Variants in CPA5 observed in about 807,000 individuals in gnomAD.
CPA5 encodes testicular tissue protein Li 32.
Under a neutral mutation model 52.2 loss-of-function variants are expected in CPA5, and 38 were observed. That is an observed-to-expected ratio of 0.73 (90% confidence interval 0.56 to 0.95). The LOEUF (loss-of-function observed/expected upper bound fraction) is 0.95. CPA5 is among the 40% of genes least tolerant of loss of function. The pLI, the probability that CPA5 is intolerant of heterozygous loss-of-function variation, is 0.00. For missense variants in CPA5, 519 were observed against 566.7 expected, an observed-to-expected ratio of 0.92 and a Z score of 0.86; for synonymous variants, 198 against 213.7, an observed-to-expected ratio of 0.93 and a Z score of 0.64.
At chr7:130,365,408 C>A (rs1435962859) in intron 10 of CPA5, among the ~76,000 whole-genome samples, 7 of 152,188 alleles carry the variant, frequency 4.6e-5, no homozygotes, top group African/African-American at 1.7e-4. Flanking sequence ...TATCCATATA[C>A]ACACAGTGTA....
At chr7:130,361,396 T>C in intron 7 of CPA5, 152 bp downstream of exon 7, 3 of 620,190 alleles carry the variant, frequency 4.8e-6, no homozygotes. Flanking sequence ...TTTGGGGTTG[T>C]GGCATTCAGA....
downstream of CPA5, among the ~76,000 whole-genome samples, chr7:130,372,724 C>A (rs1472138962): frequency 1.3e-5 from 2 of 152,042 alleles, no homozygotes; most frequent in African/African-American, 4.8e-5. Context: ...TATAGCTGGG[C>A]GTATTGCTGC....
the CPA5 span, among the ~76,000 whole-genome samples, chr7:130,373,834 A>G: frequency 6.6e-6 from 1 of 152,238 alleles, no homozygotes; most frequent in Non-Finnish European, 1.5e-5. Flanking sequence ...CAGGCAGGGG[A>G]AGGCCTGCGG....
At chr7:130,350,197 G>A in intron 5 of CPA5, 88 bp downstream of exon 5, 2 of 1,399,474 alleles carry the variant, frequency 1.4e-6, no homozygotes, top group Non-Finnish European at 1.9e-6. Flanking sequence ...GGGGCTAAAA[G>A]TGGACATGTG....
At chr7:130,361,085 C>T (rs1205484444) in intron 6 of CPA5, 58 bp from the exon 7 acceptor site, 3 of 1,054,816 alleles carry the variant, frequency 2.8e-6, no homozygotes, top group African/African-American at 3.1e-5. Context: ...CAGAGAGGCC[C>T]CAGTGTTCAT....
chr7:130,350,293 G>A (rs1259944960), intron 5 of CPA5, among the ~76,000 whole-genome samples, 184 bp downstream of exon 5: 1 of 152,204 alleles, frequency 6.6e-6, no homozygotes, highest in Non-Finnish European at 1.5e-5. Flanking sequence ...GCTAGGACAG[G>A]ATTCATGGGG....
chr7:130,350,802 A>G (rs1795089488), intron 5 of CPA5, among the ~76,000 whole-genome samples: 1 of 152,116 alleles, frequency 6.6e-6, no homozygotes, highest in African/African-American at 2.4e-5. Flanking sequence ...CAATTGTTCT[A>G]TTTTCCAGTA....
downstream of CPA5, among the ~76,000 whole-genome samples, chr7:130,369,499 C>T (rs184289529): frequency 1.3e-5 from 2 of 152,334 alleles, no homozygotes; most frequent in Admixed American, 1.3e-4. Flanking sequence ...GCTGTTTGCT[C>T]TGCCCTCAGG....
chr7:130,367,864 C>T (rs1554408974), intron 11 of CPA5, 42 bp from the exon 12 acceptor site: 9 of 1,563,524 alleles, frequency 5.8e-6, no homozygotes, highest in South Asian at 1.1e-5. Flanking sequence ...GTGGGAGCCC[C>T]GGGGAGCCCC....
At chr7:130,347,451 C>T (rs1554402611) in intron 3 of CPA5, among the ~76,000 whole-genome samples, 1 of 152,150 alleles carries the variant, frequency 6.6e-6, no homozygotes, top group Non-Finnish European at 1.5e-5. Flanking sequence ...CCTCCCCATT[C>T]CTTTCCCTTC....
At chr7:130,370,760 A>G (rs1387429448), downstream of CPA5, among the ~76,000 whole-genome samples, 1 of 152,162 alleles carries the variant, frequency 6.6e-6, no homozygotes, top group African/African-American at 2.4e-5. Flanking sequence ...ACAGGAAGGG[A>G]TTTGGTTCCA....
At position 130,357,908 on chromosome 7, in the gene CPA5, A is replaced by G. The variant is rs559222180; in HGVS notation, c.334-1681A>G. Among the ~76,000 whole-genome samples the G allele has an allele frequency of 5.3e-5, 8 of 152,046 alleles. No individual in the cohort carries two copies. The South Asian group carries it at 1.5e-3, about 28-fold the overall frequency. ...TTTCTGTCTACACACATATGCATACACACAGACATAAACATATCTGTGTAT... is the reference window on the plus strand; with the variant it reads ...TTTCTGTCTACACACATATGCATACGCACAGACATAAACATATCTGTGTAT... On this transcript the variant is annotated intron_variant, in intron 5 of 12. Coordinates refer to ENST00000474905, the MANE Select transcript of CPA5 (RefSeq NM_080385.5).
intron 6 of CPA5, among the ~76,000 whole-genome samples, chr7:130,360,611 A>G (rs1001440689): frequency 3.3e-5 from 5 of 152,252 alleles, no homozygotes; most frequent in African/African-American, 9.6e-5. Flanking sequence ...TTTCTTTCAT[A>G]TATTTGTTAA....
intron 6 of CPA5, among the ~76,000 whole-genome samples, chr7:130,360,513 G>A (rs574432043): frequency 1.3e-4 from 20 of 152,360 alleles, no homozygotes; most frequent in Admixed American, 3.9e-4. Context: ...CTCATTTTGC[G>A]TGTCAAAGGA....
At chr7:130,362,713 T>G (rs1252729031) in intron 8 of CPA5, among the ~76,000 whole-genome samples, 171 bp from the exon 9 acceptor site, 1 of 152,214 alleles carries the variant, frequency 6.6e-6, no homozygotes, top group Non-Finnish European at 1.5e-5. Context: ...GAGCCCACAT[T>G]GATCCCCTGC....
At chr7:130,356,709 C>G (rs1399050637) in intron 5 of CPA5, among the ~76,000 whole-genome samples, 3 of 152,238 alleles carry the variant, frequency 2.0e-5, no homozygotes, top group African/African-American at 7.2e-5. Flanking sequence ...GGACAGCCTC[C>G]TGGGTCCTGT....
Position 130,350,009 on chromosome 7 carries a change from T to C in CPA5, c.233T>C (p.Leu78Pro), listed in dbSNP as rs150029079. Residue 78 changes from leucine to proline, a missense_variant, in exon 5 of 13, where the codon CTC (leucine) becomes CCC (proline). By Grantham distance (98) the Leu-to-Pro change is moderately conservative. Coordinates refer to ENST00000474905, the MANE Select transcript of CPA5 (RefSeq NM_080385.5). The part of the protein sequence containing the change: ...DFWRGPARPS[L>P]PVDMRVPFSE... Reference sequence around the variant, plus strand: ...TGGCGTGGCCCAGCCAGGCCCAGCCTCCCTGTGGATATGAGAGTTCCTTTC... The same window carrying C: ...TGGCGTGGCCCAGCCAGGCCCAGCCCCCCTGTGGATATGAGAGTTCCTTTC... The C allele has an allele frequency of 3.2e-4, 514 of 1,613,892 alleles. No individual in the cohort carries two copies. The highest frequency in any genetic ancestry group is 4.1e-4 in the Non-Finnish European group (487 of 1,179,960).
In CPA5 at chr7:130,368,615, G is replaced by A. The variant is rs928137838; in HGVS notation, c.*18G>A. On this transcript the variant is annotated 3_prime_UTR_variant, in exon 13 of 13. Coordinates refer to ENST00000474905, the MANE Select transcript of CPA5 (RefSeq NM_080385.5). The stretch of plus-strand genomic sequence containing the variant: ...CCTACTAGCAGCACGACTGAGGGCA[G>A]GAGGCTCCATCCTTCTCCCCAAGGT... The A allele has an allele frequency of 2.0e-5, 32 of 1,613,302 alleles. No homozygotes were observed. Among genetic ancestry groups the A allele is most frequent in the Non-Finnish European group, 2.6e-5 (31 of 1,179,742 alleles).
chr7:130,352,380 G>A (rs1270927672), intron 5 of CPA5, among the ~76,000 whole-genome samples: 4 of 152,152 alleles, frequency 2.6e-5, no homozygotes, highest in Non-Finnish European at 4.4e-5. Context: ...GGGGTAAATC[G>A]GTGGTTACAA....
Sources: allele counts gnomAD v4.1 joint callset (sites outside exome capture counted in the v4.1 genomes callset), GRCh38; gene constraint gnomAD v4.1.1; transcripts MANE v1.5; gene names NCBI Gene and HGNC (gene_info 2026-07-23, HGNC 2026-07-21).